Variants in PCP4 observed in about 807,000 individuals in gnomAD.
PCP4 encodes calmodulin regulator protein PCP4.
Under a neutral mutation model 10.0 loss-of-function variants are expected in PCP4, and 8 were observed. The observed-to-expected ratio is 0.80, with a 90% CI of 0.47 to 1.45. PCP4 has a LOEUF of 1.45. Among genes scored for constraint, PCP4 ranks in the 40% most tolerant of loss-of-function variants. The probability of loss-of-function intolerance (pLI) is 0.00; values close to 1 mark genes in which losing one functional copy is unlikely to be tolerated. For missense variants in PCP4, 54 were observed against 74.4 expected (o/e 0.73, Z 1.01); for synonymous variants, 21 against 23.0 (o/e 0.91, Z 0.24).
intron 1 of PCP4, among the ~76,000 whole-genome samples, chr21:39,884,651 G>T (rs1188924043): frequency 2.0e-5 from 3 of 152,014 alleles, no homozygotes; most frequent in Non-Finnish European, 4.4e-5. Context: ...ACAAAAGTTA[G>T]CCAGGCGTGG....
chr21:39,872,744 G>A (rs1483875090), intron 1 of PCP4, among the ~76,000 whole-genome samples: 1 of 152,154 alleles, frequency 6.6e-6, no homozygotes, highest in Non-Finnish European at 1.5e-5. Flanking sequence ...TAAGTTTTGG[G>A]ATGTGGATTT....
chr21:39,903,867 C>CAAAAAAAAAAAAAAAAAA (rs1210365373), intron 2 of PCP4, among the ~76,000 whole-genome samples: 3 of 34,822 alleles, frequency 8.6e-5, no homozygotes, highest in African/African-American at 1.9e-4. Context: ...GACTCCGTCT[C>CAAAAAAAAAAAAAAAAAA]AAAAAAAACA....
chr21:39,903,596 C>A (rs148042154), intron 2 of PCP4, among the ~76,000 whole-genome samples: 1 of 152,104 alleles, frequency 6.6e-6, no homozygotes, highest in Admixed American at 6.5e-5. Flanking sequence ...GGGCTGGGCG[C>A]GGTGGCTCAC....
intron 1 of PCP4, among the ~76,000 whole-genome samples, chr21:39,889,764 G>C (rs1005345430): frequency 2.0e-5 from 3 of 152,146 alleles, no homozygotes; most frequent in Non-Finnish European, 4.4e-5. Context: ...TTAAATGCTA[G>C]AGGCATACAT....
intron 2 of PCP4, among the ~76,000 whole-genome samples, chr21:39,921,245 C>T (rs1470221472): frequency 6.6e-6 from 1 of 152,158 alleles, no homozygotes; most frequent in Admixed American, 6.5e-5. Flanking sequence ...ATTGACTGGT[C>T]CATAAAGAAG....
chr21:39,913,690 C>T (rs999530387), intron 2 of PCP4, among the ~76,000 whole-genome samples: 2 of 152,150 alleles, frequency 1.3e-5, no homozygotes, highest in African/African-American at 2.4e-5. Context: ...CAGTGATGGG[C>T]GTCTATCAGC....
At chr21:39,876,381 G>C (rs2087345929) in intron 1 of PCP4, among the ~76,000 whole-genome samples, 1 of 152,064 alleles carries the variant, frequency 6.6e-6, no homozygotes, top group African/African-American at 2.4e-5. Context: ...GTCTTTTTGT[G>C]ACTGGCTTAT....
At chr21:39,921,820 A>G (rs1422116129) in intron 2 of PCP4, among the ~76,000 whole-genome samples, 1 of 152,210 alleles carries the variant, frequency 6.6e-6, no homozygotes, top group Non-Finnish European at 1.5e-5. Context: ...TGGTGAAGCC[A>G]TCTAGTCTCT....
intron 1 of PCP4, among the ~76,000 whole-genome samples, chr21:39,885,252 C>T (rs568728817): frequency 6.6e-6 from 1 of 152,330 alleles, no homozygotes; most frequent in South Asian, 2.1e-4. Context: ...GCAAGCGCCA[C>T]CTGCTCCTGC....
At chr21:39,874,306 G>A (rs746020631) in intron 1 of PCP4, among the ~76,000 whole-genome samples, 14 of 152,268 alleles carry the variant, frequency 9.2e-5, no homozygotes, top group African/African-American at 2.9e-4. Context: ...CCTCTTCCTC[G>A]TAGTTCAAAA....
In PCP4 at chr21:39,923,357, C is replaced by A. The variant is rs537166676; in HGVS notation, c.62-5627C>A. Among the ~76,000 whole-genome samples, 272 of 152,320 alleles carry A rather than the reference C, an allele frequency of 1.8e-3. 3 individuals carry two copies. Among genetic ancestry groups the A allele is most frequent in the Non-Finnish European group, 6.2e-4 (42 of 68,042 alleles). On this transcript the variant is annotated intron_variant, in intron 2 of 2. Transcript: ENST00000328619. ...GGCAGCTTAACTGGTTACAGTGCAG[C>A]ATTTTGCCCTGCTTGAGTAAGTTGC...
chr21:39,898,578 C>T (rs1406851534), intron 2 of PCP4, 51 bp downstream of exon 2: 1 of 1,422,712 alleles, frequency 7.0e-7, no homozygotes, highest in Admixed American at 1.7e-5. Context: ...ATCTGCAGCC[C>T]TGGGTATGCA....
At chr21:39,916,098 T>G (rs1047165396) in intron 2 of PCP4, 1 of 152,190 alleles carries the variant, frequency 6.6e-6, no homozygotes, top group Non-Finnish European at 1.5e-5. Context: ...CTGTGGCTTT[T>G]CTGTGGTTTG....
intron 2 of PCP4, among the ~76,000 whole-genome samples, chr21:39,928,191 C>T (rs1049564518): frequency 3.3e-5 from 5 of 152,076 alleles, no homozygotes; most frequent in East Asian, 1.9e-4. Context: ...CTGAACACGC[C>T]GGGTCTCATC....
intron 2 of PCP4, among the ~76,000 whole-genome samples, chr21:39,927,326 T>TATC (rs879841130): frequency 0.26 from 21,727 of 82,328 alleles, 1,874 homozygotes; most frequent in Middle Eastern, 0.35. Flanking sequence ...ATCTATCATC[T>TATC]ATCTATCTAT....
rs13046992 is a variant in PCP4, at chr21:39,928,189, G to T, written c.62-795G>T. Reference sequence around the variant, plus strand: ...TCTACGGCCATACCACCCTGAACACGCCGGGTCTCATCAGACTAGAGGCTT... The same window carrying T: ...TCTACGGCCATACCACCCTGAACACTCCGGGTCTCATCAGACTAGAGGCTT... On this transcript the variant is annotated intron_variant, in intron 2 of 2. Coordinates refer to ENST00000328619, the MANE Select transcript of PCP4 (RefSeq NM_006198.3). Among the ~76,000 whole-genome samples, 3 of 152,070 alleles carry T rather than the reference G, an allele frequency of 2.0e-5. No individual in the cohort carries two copies. In the South Asian group the frequency reaches 6.2e-4, roughly 32 times the overall value.
chr21:39,913,121 A>G, intron 2 of PCP4, among the ~76,000 whole-genome samples: 1 of 152,194 alleles, frequency 6.6e-6, no homozygotes, highest in East Asian at 1.9e-4. Context: ...GTATCTTTTT[A>G]TAAATATAAG....
At chr21:39,922,897 C>T (rs2087603233) in intron 2 of PCP4, among the ~76,000 whole-genome samples, 1 of 152,180 alleles carries the variant, frequency 6.6e-6, no homozygotes, top group African/African-American at 2.4e-5. Flanking sequence ...GCCCCCCAGG[C>T]ACACAGGACG....
chr21:39,920,897 G>A lies in PCP4; in HGVS notation c.62-8087G>A, dbSNP rs1329207877. 3.3e-5 allele frequency among the ~76,000 whole-genome samples: 5 copies of A among 152,332 alleles called. No homozygotes were observed. In the East Asian group the frequency reaches 9.7e-4, roughly 29 times the overall value. On this transcript the variant is annotated intron_variant, in intron 2 of 2. Transcript: ENST00000328619. ...CTGGTTGGCCTCACTGTGGGGCTGT[G>A]CCCCTCCCAGGATGGCTCCTTGGCA...
Sources: allele counts gnomAD v4.1 joint callset (sites outside exome capture counted in the v4.1 genomes callset), GRCh38; gene constraint gnomAD v4.1.1; transcripts MANE v1.5; gene names NCBI Gene and HGNC (gene_info 2026-07-23, HGNC 2026-07-21).